Variants in MPPED1 observed in about 807,000 individuals in gnomAD.
The protein encoded by MPPED1 is metallophosphoesterase domain-containing protein 1.
In MPPED1, 16 loss-of-function variants were observed where a neutral mutation model predicts 36.2. The ratio of observed to expected loss-of-function variants is 0.44; its 90% CI spans 0.30 to 0.67. MPPED1 has a LOEUF of 0.67. Ranked by LOEUF, MPPED1 falls within the 30% of genes least tolerant of loss-of-function variation. MPPED1 has a pLI of 0.10. For missense variants in MPPED1, 307 were observed against 453.4 expected, an observed-to-expected ratio of 0.68 and a Z score of 2.93; for synonymous variants, 199 against 191.3, an observed-to-expected ratio of 1.04 and a Z score of -0.33.
At chr22:43,418,139 T>C in intron 1 of MPPED1, 1 of 456,318 alleles carries the variant, frequency 2.2e-6, no homozygotes, top group Non-Finnish European at 4.4e-6. Flanking sequence ...GATGGCTGCC[T>C]TACCGGCCTG....
chr22:43,468,638 G>A (rs970684283), intron 3 of MPPED1, among the ~76,000 whole-genome samples: 1 of 152,146 alleles, frequency 6.6e-6, no homozygotes, highest in Non-Finnish European at 1.5e-5. Flanking sequence ...CCAATCAGCA[G>A]CATGGATTAG....
chr22:43,424,113 A>T (rs1929371935), intron 1 of MPPED1, among the ~76,000 whole-genome samples: 1 of 152,202 alleles, frequency 6.6e-6, no homozygotes, highest in South Asian at 2.1e-4. Context: ...CTTCCCCGTG[A>T]AAAAGATTTG....
At chr22:43,446,393 A>G (rs1417924475) in intron 3 of MPPED1, among the ~76,000 whole-genome samples, 2 of 152,102 alleles carry the variant, frequency 1.3e-5, no homozygotes, top group South Asian at 2.1e-4. Flanking sequence ...CAGCTGTCAT[A>G]TGATGGGGGT....
chr22:43,427,092 G>C (rs929256809), intron 2 of MPPED1, among the ~76,000 whole-genome samples: 1 of 152,236 alleles, frequency 6.6e-6, no homozygotes, highest in Non-Finnish European at 1.5e-5. Flanking sequence ...TGGGCAAGGA[G>C]AGAGCAGCAA....
intron 3 of MPPED1, among the ~76,000 whole-genome samples, chr22:43,457,504 T>C (rs1930796093): frequency 6.6e-6 from 1 of 152,114 alleles, no homozygotes; most frequent in South Asian, 2.1e-4. Flanking sequence ...GCATGTTATG[T>C]TTAATATAAC....
In MPPED1 at chr22:43,502,903, C is replaced by T. The variant is rs1932761223; in HGVS notation, c.862+146C>T. ...GTAACTGCTAACTGCCATACACACC[C>T]TGGCTGTCAATGAGCTATTGCTAAA... On this transcript the variant is annotated intron_variant, in intron 6 of 6. Transcript: ENST00000443721. This position sits in a 1 kb window ranked among gnomAD's most constrained non-coding sequence, Gnocchi z 5.5. The T allele has an allele frequency of 1.4e-6, 1 of 693,088 alleles. No individual in the cohort carries two copies. The highest frequency in any genetic ancestry group is 2.6e-5 in the Admixed American group (1 of 37,904). The allele number at this position is 693,088 out of a possible 1,614,324, so 42.9% of individuals were successfully genotyped here. A position where few individuals can be genotyped will look rare whatever the true frequency, so the allele number is the denominator to read the frequency against.
At position 43,475,026 on chromosome 22, in the gene MPPED1, G is replaced by A. The variant is rs574828098; in HGVS notation, c.632+65G>A. The stretch of plus-strand genomic sequence containing the variant: ...CCAGAGCTGAGGCTGAGCGCAGGGG[G>A]TGTAGGGGATGGGAGTAGCAGCAGG... On this transcript the variant is annotated intron_variant, in intron 4 of 6. Coordinates refer to ENST00000443721, the MANE Select transcript of MPPED1 (RefSeq NM_001044370.2). 3.1e-5 allele frequency: 45 copies of A among 1,475,140 alleles called. No homozygotes were observed. In the African/African-American group the frequency reaches 6.2e-4, roughly 20 times the overall value. The allele number at this position is 1,475,140 out of a possible 1,614,324, so 91.4% of individuals were successfully genotyped here. A position where few individuals can be genotyped will look rare whatever the true frequency, so the allele number is the denominator to read the frequency against.
chr22:43,470,081 A>ATT (rs1931316378), intron 3 of MPPED1, among the ~76,000 whole-genome samples: 2 of 132,070 alleles, frequency 1.5e-5, no homozygotes, highest in Non-Finnish European at 3.5e-5. Flanking sequence ...CCATCCAGCC[A>ATT]CCCATCCATC....
rs940631607 is a variant in MPPED1 at position 43,474,151 on chromosome 22, C to T, written c.407-585C>T. On this transcript the variant is annotated intron_variant, in intron 3 of 6. Transcript: ENST00000443721. This position sits in a 1 kb window ranked among gnomAD's most constrained non-coding sequence, Gnocchi z 5.2. ...AGTGGAGGATAAAGAGTCCAAGATA[C>T]CCAGGGGGTGGGGGCCTGGGACCGT... Among the ~76,000 whole-genome samples, 4 of 152,184 alleles carry T rather than the reference C, an allele frequency of 2.6e-5. No individual in the cohort carries two copies. Among genetic ancestry groups the T allele is most frequent in the Admixed American group, 6.5e-5 (1 of 15,272 alleles).
chr22:43,483,821 C>T (rs1004276202), intron 4 of MPPED1, among the ~76,000 whole-genome samples: 3 of 152,202 alleles, frequency 2.0e-5, no homozygotes, highest in African/African-American at 7.2e-5. Context: ...GCACACCCAG[C>T]AGGGGCCACT....
intron 3 of MPPED1, among the ~76,000 whole-genome samples, chr22:43,473,462 G>A (rs1931443553): frequency 6.6e-6 from 1 of 152,218 alleles, no homozygotes; most frequent in South Asian, 2.1e-4. Flanking sequence ...TCCACCCCGA[G>A]GCCCCTGTGC....
chr22:43,424,882 C>G (rs1396986256), intron 1 of MPPED1, 26 bp from the exon 2 acceptor site: 19 of 1,495,878 alleles, frequency 1.3e-5, no homozygotes, highest in Non-Finnish European at 1.5e-5. Flanking sequence ...GATTAACTGT[C>G]GCACGGTTCT....
intron 1 of MPPED1, among the ~76,000 whole-genome samples, chr22:43,419,626 C>G (rs1420809258): frequency 6.6e-6 from 1 of 151,782 alleles, no homozygotes; most frequent in African/African-American, 2.4e-5. Flanking sequence ...CTGGGTGTGC[C>G]AGAGGGAATG....
chr22:43,438,041 C>G (rs1415163567), intron 3 of MPPED1, among the ~76,000 whole-genome samples: 1 of 152,208 alleles, frequency 6.6e-6, no homozygotes, highest in Non-Finnish European at 1.5e-5. Context: ...ATTGCTGAGC[C>G]TCACTGAGAG....
intron 3 of MPPED1, among the ~76,000 whole-genome samples, chr22:43,464,769 C>G (rs899111161): frequency 6.6e-6 from 1 of 152,234 alleles, no homozygotes; most frequent in African/African-American, 2.4e-5. Flanking sequence ...CTCTTACCCA[C>G]TCCCAGGACT....
intron 3 of MPPED1, among the ~76,000 whole-genome samples, chr22:43,449,451 C>T (rs1236870741): frequency 7.0e-6 from 1 of 142,440 alleles, no homozygotes; most frequent in Admixed American, 7.1e-5. Context: ...CAAGTAGGCT[C>T]TCAGTGTTGT....
chr22:43,469,388 G>A (rs530511568), intron 3 of MPPED1, among the ~76,000 whole-genome samples: 2 of 123,006 alleles, frequency 1.6e-5, no homozygotes, highest in Non-Finnish European at 3.5e-5. Flanking sequence ...CTCATTCACT[G>A]TTTAGATGGA....
intron 3 of MPPED1, among the ~76,000 whole-genome samples, chr22:43,442,914 T>C (rs1420410365): frequency 6.6e-6 from 1 of 152,168 alleles, no homozygotes; most frequent in Non-Finnish European, 1.5e-5. Context: ...CTGTGACTGC[T>C]GGGGACCAGG....
chr22:43,502,866 A>G lies in MPPED1; in HGVS notation c.862+109A>G, dbSNP rs1932760915. The G allele has an allele frequency of 3.3e-6, 3 of 912,722 alleles. No homozygotes were observed. Among genetic ancestry groups the G allele is most frequent in the South Asian group, 1.4e-5 (1 of 71,896 alleles). The allele number at this position is 912,722 out of a possible 1,614,324, so 56.5% of individuals were successfully genotyped here. On this transcript the variant is annotated intron_variant, in intron 6 of 6. Transcript: ENST00000443721. The surrounding 1 kb of genome is among the most constrained non-coding windows in gnomAD (Gnocchi z 5.5). ...GAAGGGAAATAAATAGCCCATTCCT[A>G]CTGTTCGCTTTGTAACTGCTAACTG...
Sources: gnomAD v4.1 joint callset for allele counts (sites outside exome capture counted in the v4.1 genomes callset) on GRCh38, gnomAD v4.1.1 for gene constraint, Gnocchi (gnomAD v3.1) non-coding constraint, MANE v1.5 for transcripts, NCBI Gene and HGNC (gene_info 2026-07-23, HGNC 2026-07-21) for gene names.